PDZD7: variants seen among roughly 807,000 people sequenced by gnomAD.
PDZD7 encodes PDZ domain containing 7.
In PDZD7, 72 loss-of-function variants were observed where a neutral mutation model predicts 84.7. That is an observed-to-expected ratio of 0.85 (90% CI 0.70 to 1.03). The LOEUF (loss-of-function observed/expected upper bound fraction) is 1.03. PDZD7 is among the 50% of genes least tolerant of loss of function. PDZD7 has a pLI of 0.00. For missense variants in PDZD7, 1,490 were observed against 1,412.9 expected (o/e 1.05, Z -0.87); for synonymous variants, 594 against 580.7 (o/e 1.02, Z -0.33).
Position 101,008,717 on chromosome 10 carries a change from C to A in PDZD7, c.2852G>T (p.Gly951Val). Residue 951 changes from glycine (G) to valine (V), a missense_variant, in exon 17 of 17, where the codon GGG (glycine) becomes GTG (valine). Transcript: ENST00000619208. Reference sequence around the variant, plus strand: ...AGAGGGTGAGGGCCGTGGGCTGGGCCCGGGGACCCTGACCACAAGCTCCAT... The same window carrying A: ...AGAGGGTGAGGGCCGTGGGCTGGGCACGGGGACCCTGACCACAAGCTCCAT... ...EPMELVVRVPGPSPRPSPSDS... is the reference protein window; with the variant it reads ...EPMELVVRVPVPSPRPSPSDS... 2 of 1,535,910 alleles carry A rather than the reference C, an allele frequency of 1.3e-6. No homozygotes were observed. The highest frequency in any genetic ancestry group is 1.7e-6 in the Non-Finnish European group (2 of 1,146,834).
rs180764355 is a variant in PDZD7, at chr10:101,023,630, T to C, written c.368-20A>G. 716 of 1,608,654 alleles carry C rather than the reference T, an allele frequency of 4.5e-4. 3 individuals carry two copies. The African/African-American group carries it at 8.3e-3, about 19-fold the overall frequency. ...CCCGCTCTGCACCACAGGATGGGAG[T>C]GGCTGGCATGGGTCCCCAGGGTGGG... On this transcript the variant is annotated intron_variant, in intron 3 of 16. Coordinates refer to ENST00000619208, the MANE Select transcript of PDZD7 (RefSeq NM_001195263.2).
chr10:101,021,562 G>T (rs917750639), intron 6 of PDZD7, among the ~76,000 whole-genome samples: 3 of 152,170 alleles, frequency 2.0e-5, no homozygotes, highest in Non-Finnish European at 4.4e-5. Context: ...GCACTGTGGG[G>T]AGCAGGACTG....
intron 5 of PDZD7, 39 bp from the exon 6 acceptor site, chr10:101,021,984 C>G (rs753542081): frequency 9.9e-6 from 16 of 1,611,654 alleles, no homozygotes; most frequent in Middle Eastern, 1.7e-4. Context: ...GGCCCCTGGC[C>G]TGCCCTCCGT....
intron 9 of PDZD7, chr10:101,017,373 A>T (rs1852675785): frequency 2.3e-6 from 1 of 431,470 alleles, no homozygotes; most frequent in Non-Finnish European, 4.1e-6. Context: ...CTGAGCCAAG[A>T]CGTGCTTTAT....
rs1398041311 is a variant in PDZD7, at chr10:101,010,772, G to T, written c.2117C>A (p.Ala706Asp). 1 of 1,535,456 alleles carries T rather than the reference G, an allele frequency of 6.5e-7. No homozygotes were observed. The highest frequency in any genetic ancestry group is 1.4e-5 in the African/African-American group (1 of 73,112). The change falls in exon 15 of 17, where the codon GCC becomes GAC. Residue 706 changes from alanine to aspartate, a missense_variant. By Grantham distance (126) the Ala-to-Asp change is moderately radical. Coordinates refer to ENST00000619208, the MANE Select transcript of PDZD7 (RefSeq NM_001195263.2). ...GATCCCTTTATGGGGGTGGCGAGGG[G>T]CAGAGGCACTTGGGGAGACCTTGAG... ...GALKVSPSAS[A>D]PRHPHKGIPP...
At chr10:101,009,684 C>T (rs968184267) in intron 15 of PDZD7, among the ~76,000 whole-genome samples, 10 of 149,196 alleles carry the variant, frequency 6.7e-5, no homozygotes, top group African/African-American at 1.2e-4. Context: ...CTCGGCTCAC[C>T]GCAACCTCCG....
chr10:101,014,430 C>A (rs1852516821), intron 11 of PDZD7, among the ~76,000 whole-genome samples: 1 of 152,028 alleles, frequency 6.6e-6, no homozygotes, highest in Admixed American at 6.6e-5. Context: ...GGAAAAGGAG[C>A]CTCCAAAGAG....
intron 11 of PDZD7, among the ~76,000 whole-genome samples, chr10:101,014,916 G>A (rs897797320): frequency 4.6e-5 from 7 of 152,314 alleles, no homozygotes; most frequent in Admixed American, 3.9e-4. Context: ...CTCACAAAGA[G>A]CCCAGTGTAC....
Position 101,009,288 on chromosome 10 carries a change from A to T in PDZD7, c.2680T>A (p.Phe894Ile). ...VQPMVKIEKI[F>I]PGGAAFLSGA... ...CTGAGGAAAGCGGCCCCCCCAGGGA[A>T]GATCTTCTCTATCTTCACCATGGGC... The change falls in exon 16 of 17, where the codon TTC (phenylalanine) becomes ATC (isoleucine). Residue 894 changes from phenylalanine (F) to isoleucine (I), a missense_variant. By Grantham distance (21) the Phe-to-Ile change is conservative. Coordinates refer to ENST00000619208, the MANE Select transcript of PDZD7 (RefSeq NM_001195263.2). The T allele has an allele frequency of 6.5e-7, 1 of 1,535,996 alleles. No individual in the cohort carries two copies.
rs1332244178 is a variant in PDZD7 at position 101,018,925 on chromosome 10, G to A, written c.1221C>T (p.Arg407=). 1 of 1,603,490 alleles carries A rather than the reference G, an allele frequency of 6.2e-7. No individual in the cohort carries two copies. The highest frequency in any genetic ancestry group is 1.3e-5 in the African/African-American group (1 of 74,858). The change falls in exon 8 of 17, where the codon CGC becomes CGT. Residue 407 remains arginine (R), a synonymous_variant. Transcript: ENST00000619208. ...IRSDGPHPGR[R]LDSALSESPK... ...GAGACTCAGAGAGCGCAGAGTCAAG[G>A]CGGCGGCCGGGATGGGGGCCGTCCG...
At position 101,024,078 on chromosome 10, in the gene PDZD7, C is replaced by A. The variant is rs1271466897; in HGVS notation, c.227-10G>T. The A allele has an allele frequency of 6.2e-7, 1 of 1,614,126 alleles. No homozygotes were observed. Among genetic ancestry groups the A allele is most frequent in the African/African-American group, 1.3e-5 (1 of 74,950 alleles). On this transcript the variant is annotated splice_polypyrimidine_tract_variant and intron_variant, in intron 2 of 16. Coordinates refer to ENST00000619208, the MANE Select transcript of PDZD7 (RefSeq NM_001195263.2). ...CTTTCATCACTGTTGGCTGTGAGGA[C>A]AGGGATTTAGGGATGCCCCCATGTT...
intron 3 of PDZD7, 101 bp downstream of exon 3, chr10:101,023,827 T>A: frequency 3.8e-6 from 6 of 1,586,408 alleles, no homozygotes; most frequent in Non-Finnish European, 5.2e-6. Context: ...CCTCCAGAGC[T>A]GGGGACTCTT....
Position 101,016,403 on chromosome 10 carries a change from T to A in PDZD7, c.1547A>T (p.Lys516Met). The A allele has an allele frequency of 1.3e-6, 2 of 1,550,670 alleles. No homozygotes were observed. Among genetic ancestry groups the A allele is most frequent in the Non-Finnish European group, 1.7e-6 (2 of 1,147,010 alleles). Residue 516 changes from lysine to methionine, a missense_variant, in exon 10 of 17, where the codon AAG becomes ATG. Physicochemically the swap from Lys to Met is moderately conservative, Grantham distance 95 (BLOSUM62 -1). Transcript: ENST00000619208. ...EKAGGVGPVQ[K>M]FVTWRLRRDQ... is the part of the protein sequence containing the mutation. Reference sequence around the variant, plus strand: ...ACGTCTCAGTCTCCAGGTGACAAACTTCTGTACCGGGCCCACGCCCCCTGC... The same window carrying A: ...ACGTCTCAGTCTCCAGGTGACAAACATCTGTACCGGGCCCACGCCCCCTGC...
rs777523598 is a variant in PDZD7, at chr10:101,020,688, G to C, written c.868-10C>G. 1 of 1,611,970 alleles carries C rather than the reference G, an allele frequency of 6.2e-7. No individual in the cohort carries two copies. Among genetic ancestry groups the C allele is most frequent in the African/African-American group, 1.3e-5 (1 of 74,890 alleles). Reference sequence around the variant, plus strand: ...GATACCGGCCGGTCTCCTGGGGAGGGGATGGTGGGCATAGGAGGGAAGGGG... The same window carrying C: ...GATACCGGCCGGTCTCCTGGGGAGGCGATGGTGGGCATAGGAGGGAAGGGG... On this transcript the variant is annotated splice_polypyrimidine_tract_variant and intron_variant, in intron 6 of 16. Coordinates refer to ENST00000619208, the MANE Select transcript of PDZD7 (RefSeq NM_001195263.2).
Position 101,008,411 on chromosome 10 carries a change from T to C in PDZD7, c.*56A>G. The C allele has an allele frequency of 1.4e-6, 2 of 1,445,040 alleles. No individual in the cohort carries two copies. Among genetic ancestry groups the C allele is most frequent in the African/African-American group, 1.4e-5 (1 of 69,888 alleles). 89.5% of individuals were successfully genotyped at this position (1,445,040 alleles called of 1,614,324 possible). A position where few individuals can be genotyped will look rare whatever the true frequency, so the allele number is the denominator to read the frequency against. ...GTCCTGAAGAAGTTGGTAGGAGAGG[T>C]CCTGGGGATAACGGGATGCTGGAGT... On this transcript the variant is annotated 3_prime_UTR_variant, in exon 17 of 17. Transcript: ENST00000619208.
At position 101,025,763 on chromosome 10, in the gene PDZD7, T is replaced by G. The variant is rs554687556; in HGVS notation, c.227-1695A>C. Among the ~76,000 whole-genome samples, 343 of 149,738 alleles carry G rather than the reference T, an allele frequency of 2.3e-3. 1 individual carries two copies. The highest frequency in any genetic ancestry group is 6.5e-3 in the African/African-American group (264 of 40,554). ...GGGGTTTCACCGTGTTGGCCAGGAT[T>G]GTTTTGATCTCCTGACCTCGTGATC... On this transcript the variant is annotated intron_variant, in intron 2 of 16. Transcript: ENST00000619208.
At position 101,019,128 on chromosome 10, in the gene PDZD7, C is replaced by G. The variant is rs771074809; in HGVS notation, c.1018G>C (p.Gly340Arg). 6.5e-7 allele frequency: 1 copy of G among 1,547,786 alleles called. No homozygotes were observed. The highest frequency in any genetic ancestry group is 1.2e-5 in the South Asian group (1 of 84,968). The change falls in exon 8 of 17, where the codon GGC becomes CGC. Residue 340 changes from glycine (G) to arginine (R), a missense_variant. By Grantham distance (125) the Gly-to-Arg change is moderately radical. Transcript: ENST00000619208. ...SCASSAPYSS[G>R]SLPSDRMDIC... ...TCCATGCGGTCCGACGGCAGGGAGCCCGAGCTGTAGGGGGCGCTGGAGGCG... is the reference window on the plus strand; with the variant it reads ...TCCATGCGGTCCGACGGCAGGGAGCGCGAGCTGTAGGGGGCGCTGGAGGCG...
rs1378322009 is a variant in PDZD7, at chr10:101,008,201, C to T, written c.*266G>A. On this transcript the variant is annotated 3_prime_UTR_variant, in exon 17 of 17. Transcript: ENST00000619208. ...ATCCCAAGCTCCAGACCTTGGCTTT[C>T]TCACCCCCTATCCTGGCTTGGGAGG... 2.0e-6 allele frequency: 1 copy of T among 497,774 alleles called. No homozygotes were observed. Among genetic ancestry groups the T allele is most frequent in the East Asian group, 3.0e-5 (1 of 33,208 alleles). 30.8% of individuals were successfully genotyped at this position (497,774 alleles called of 1,614,324 possible).
intron 4 of PDZD7, among the ~76,000 whole-genome samples, chr10:101,022,747 C>A (rs918230101): frequency 2.0e-5 from 3 of 151,988 alleles, no homozygotes; most frequent in Admixed American, 6.6e-5. Flanking sequence ...AGGTACATGC[C>A]CACCATGCCC....
Sources: allele counts gnomAD v4.1 joint callset (sites outside exome capture counted in the v4.1 genomes callset), GRCh38; gene constraint gnomAD v4.1.1; transcripts MANE v1.5; gene names NCBI Gene and HGNC (gene_info 2026-07-23, HGNC 2026-07-21).